Variants in CHGB observed in about 807,000 individuals in gnomAD.
CHGB encodes secretogranin-1.
Under a neutral mutation model 69.9 loss-of-function variants are expected in CHGB, and 46 were observed. That is an observed-to-expected ratio of 0.66 (90% CI 0.52 to 0.84). CHGB has a LOEUF of 0.84. CHGB is among the 40% of genes least tolerant of loss of function. The pLI, the probability that CHGB is intolerant of heterozygous loss-of-function variation, is 0.00. For missense variants in CHGB, 796 were observed against 822.2 expected, an observed-to-expected ratio of 0.97 and a Z score of 0.39; for synonymous variants, 312 against 298.2, an observed-to-expected ratio of 1.05 and a Z score of -0.48.
chr20:5,924,238 AGGCCACCTT>A, intron 4 of CHGB, 138 bp downstream of exon 4: 1 of 1,288,792 alleles, frequency 7.8e-7, no homozygotes, highest in Non-Finnish European at 1.0e-6. Flanking sequence ...AATGGAGTGG[AGGCCACCTT>A]GGGGGTCGGT....
In CHGB at chr20:5,911,621, G is replaced by C; in HGVS notation, c.-13G>C. On this transcript the variant is annotated 5_prime_UTR_variant, in exon 1 of 5. Transcript: ENST00000378961. ...CCATCTTCCTTTCCGCACAGGGGCC[G>C]CCGAGCGGGGCCATGCAGCCAACGC... 1 of 1,517,110 alleles carries C rather than the reference G, an allele frequency of 6.6e-7. No homozygotes were observed. The highest frequency in any genetic ancestry group is 8.8e-7 in the Non-Finnish European group (1 of 1,137,650). 94.0% of individuals were successfully genotyped at this position (1,517,110 alleles called of 1,614,324 possible).
At position 5,916,820 on chromosome 20, in the gene CHGB, C is replaced by A. The variant is rs374835883; in HGVS notation, c.97-6C>A. On this transcript the variant is annotated splice_polypyrimidine_tract_variant and splice_region_variant and intron_variant, in intron 2 of 4. Transcript: ENST00000378961. The stretch of plus-strand genomic sequence containing the variant: ...TTCTCCAACCTGCTTTCGGGTTTCC[C>A]CCCAGGTGACTCGCTGCATCATTGA... 1 of 1,614,098 alleles carries A rather than the reference C, an allele frequency of 6.2e-7. No individual in the cohort carries two copies. The highest frequency in any genetic ancestry group is 8.5e-7 in the Non-Finnish European group (1 of 1,179,940).
chr20:5,917,100 C>T (rs2088480231), intron 3 of CHGB, 181 bp downstream of exon 3: 2 of 626,698 alleles, frequency 3.2e-6, no homozygotes, highest in Non-Finnish European at 5.7e-6. Context: ...CCTGCTTTAC[C>T]ACTTCGCAGC....
chr20:5,917,371 T>G (rs2088481778), intron 3 of CHGB: 1 of 159,864 alleles, frequency 6.3e-6, no homozygotes, highest in Admixed American at 5.9e-5. Flanking sequence ...CCTTTTGCTC[T>G]TCTGACAGTG....
chr20:5,920,947 A>G (rs2088510208), intron 3 of CHGB, among the ~76,000 whole-genome samples: 1 of 152,262 alleles, frequency 6.6e-6, no homozygotes, highest in African/African-American at 2.4e-5. Context: ...TACAAAATAA[A>G]TAATTTTTTT....
rs189088081 is a variant in CHGB at position 5,923,994 on chromosome 20, C to T, written c.1850C>T (p.Ser617Leu). 8.7e-6 allele frequency: 14 copies of T among 1,614,018 alleles called. No homozygotes were observed. Among genetic ancestry groups the T allele is most frequent in the Middle Eastern group, 1.7e-4 (1 of 6,026 alleles). The change falls in exon 4 of 5, where the codon TCA becomes TTA. Residue 617 changes from serine to leucine, a missense_variant. Around this residue, in one of 3 missense-constraint regions of CHGB, gnomAD observed 274 missense variants for 298.9 expected, o/e 0.92. Transcript: ENST00000378961. ...CAGCTCCTTCACTACAGGAAGAAGT[C>T]AGCTGAGTTTCCAGACTTCTATGAT... Reference protein sequence around the residue: ...LDQLLHYRKKSAEFPDFYDSE... With the variant: ...LDQLLHYRKKLAEFPDFYDSE...
intron 3 of CHGB, among the ~76,000 whole-genome samples, chr20:5,919,060 T>C (rs966854596): frequency 1.3e-5 from 2 of 152,174 alleles, no homozygotes; most frequent in Non-Finnish European, 1.5e-5. Flanking sequence ...GAGTAAAGGC[T>C]GCTCCTTTTG....
chr20:5,924,710 T>C (rs1461453483), intron 4 of CHGB, among the ~76,000 whole-genome samples: 1 of 152,218 alleles, frequency 6.6e-6, no homozygotes, highest in South Asian at 2.1e-4. Flanking sequence ...CAAAGTTGAA[T>C]GTACATTAGG....
chr20:5,921,790 GAT>G (rs1282566654), intron 3 of CHGB, among the ~76,000 whole-genome samples: 1 of 152,186 alleles, frequency 6.6e-6, no homozygotes. Flanking sequence ...ATAAAAGTCT[GAT>G]ATAAACTAAT....
chr20:5,913,629 T>TTTTC (rs1491503893), intron 1 of CHGB, among the ~76,000 whole-genome samples: 10 of 111,720 alleles, frequency 9.0e-5, no homozygotes, highest in East Asian at 5.0e-4. Context: ...TTTTCTTTTC[T>TTTTC]TTTTTTTTTT....
At chr20:5,917,911 G>T (rs920717058) in intron 3 of CHGB, 7 of 147,284 alleles carry the variant, frequency 4.8e-5, no homozygotes, top group African/African-American at 1.6e-4. Flanking sequence ...GAGGCAGGTG[G>T]ATCACCTGAG....
chr20:5,917,390 G>C (rs1256786720), intron 3 of CHGB: 1 of 158,774 alleles, frequency 6.3e-6, no homozygotes, highest in African/African-American at 2.4e-5. Context: ...TGAGAATCAG[G>C]AAGCTGAGAA....
At chr20:5,919,329 A>T (rs2088500141) in intron 3 of CHGB, among the ~76,000 whole-genome samples, 1 of 152,210 alleles carries the variant, frequency 6.6e-6, no homozygotes, top group Non-Finnish European at 1.5e-5. Context: ...GTATCTAAGG[A>T]TCCTGGAGAT....
chr20:5,913,256 G>A (rs1410656536), intron 1 of CHGB, among the ~76,000 whole-genome samples: 1 of 152,102 alleles, frequency 6.6e-6, no homozygotes, highest in Admixed American at 6.6e-5. Flanking sequence ...ATAGTTCAGT[G>A]GTTTTTGGTA....
chr20:5,923,548 C>G lies in CHGB; in HGVS notation c.1404C>G (p.Asp468Glu), dbSNP rs746296859. Reference sequence around the variant, plus strand: ...CACAAGGTGCGTGGAAAGAGCTGGACAGAAATTATCTCAACTACGGTGAGG... The same window carrying G: ...CACAAGGTGCGTGGAAAGAGCTGGAGAGAAATTATCTCAACTACGGTGAGG... Reference protein sequence around the residue: ...RHPQGAWKELDRNYLNYGEEG... With the variant: ...RHPQGAWKELERNYLNYGEEG... The change falls in exon 4 of 5, where the codon GAC (aspartate) becomes GAG (glutamate). Residue 468 changes from aspartate (D) to glutamate (E), a missense_variant. Around this residue, in one of 3 missense-constraint regions of CHGB, gnomAD observed 274 missense variants for 298.9 expected, o/e 0.92. Coordinates refer to ENST00000378961, the MANE Select transcript of CHGB (RefSeq NM_001819.3). The G allele has an allele frequency of 3.7e-6, 6 of 1,614,010 alleles. 1 individual carries two copies. In the Admixed American group the frequency reaches 8.3e-5, roughly 22 times the overall value.
At chr20:5,916,062 C>G in intron 1 of CHGB, 1 of 411,246 alleles carries the variant, frequency 2.4e-6, no homozygotes, top group Non-Finnish European at 4.3e-6. Flanking sequence ...TGGAACAGAT[C>G]ATGAGTATAC....
At chr20:5,914,179 CT>C (rs1329592162) in intron 1 of CHGB, among the ~76,000 whole-genome samples, 1 of 152,052 alleles carries the variant, frequency 6.6e-6, no homozygotes, top group Non-Finnish European at 1.5e-5. Flanking sequence ...CTGAATCTTA[CT>C]GTATGCAAAA....
At chr20:5,914,206 T>G (rs2088462958) in intron 1 of CHGB, among the ~76,000 whole-genome samples, 4 of 152,212 alleles carry the variant, frequency 2.6e-5, no homozygotes, top group Admixed American at 2.0e-4. Flanking sequence ...TTGAACTACT[T>G]TAAGGATGAC....
At chr20:5,913,690 T>G (rs1285814490) in intron 1 of CHGB, among the ~76,000 whole-genome samples, 1 of 146,796 alleles carries the variant, frequency 6.8e-6, no homozygotes, top group Non-Finnish European at 1.5e-5. Flanking sequence ...AGTGCGGTGG[T>G]GCAATCTCAG....
Sources: gnomAD v4.1 joint callset for allele counts (sites outside exome capture counted in the v4.1 genomes callset) on GRCh38, gnomAD v4.1.1 for gene constraint, gnomAD v4.1.1 regional missense constraint, MANE v1.5 for transcripts, NCBI Gene and HGNC (gene_info 2026-07-23, HGNC 2026-07-21) for gene names.